Variants in SOX6 observed in about 807,000 individuals in gnomAD.
SOX6 encodes SRY-box transcription factor 6, also known as transcription factor SOX-6.
A neutral mutation model predicts 97.8 loss-of-function variants in SOX6; 11 were observed. The observed-to-expected ratio is 0.11, with a 90% confidence interval of 0.07 to 0.19. The LOEUF is 0.19. Among genes scored for constraint, SOX6 ranks in the 10% least tolerant of loss-of-function variants. SOX6 has a pLI of 1.00. For synonymous variants in SOX6, 360 were observed against 371.4 expected, an observed-to-expected ratio of 0.97 and a Z score of 0.35; for missense variants, 810 against 1,039.5, an observed-to-expected ratio of 0.78 and a Z score of 3.04.
Position 16,465,834 on chromosome 11 carries a change from G to A in SOX6, c.-5+10481C>T, listed in dbSNP as rs1015031415. ...TGTGTGAGCTGAAAAGAAAGAGAAA[G>A]AGCTAACTCCAGTACAGTTTGTATC... On this transcript the variant is annotated intron_variant, in intron 1 of 15. Coordinates refer to the SOX6 transcript ENST00000396356. The A allele has an allele frequency of 2.0e-5, 3 of 152,108 alleles. No homozygotes were observed. In the East Asian group the frequency reaches 5.8e-4, roughly 29 times the overall value. 9.4% of individuals were successfully genotyped at this position (152,108 alleles called of 1,614,324 possible).
intron 9 of SOX6, among the ~76,000 whole-genome samples, chr11:16,068,797 T>A (rs1032028165): frequency 6.6e-6 from 1 of 152,236 alleles, no homozygotes; most frequent in Non-Finnish European, 1.5e-5. Context: ...GACTACTGCC[T>A]CCTTTGTGCT....
intron 15 of SOX6, among the ~76,000 whole-genome samples, chr11:15,977,942 C>T (rs899374281): frequency 1.2e-4 from 18 of 152,094 alleles, no homozygotes; most frequent in Admixed American, 5.9e-4. Context: ...CCCACTGTCA[C>T]GTTGACTGGC....
chr11:16,487,590 C>A (rs1160031315), intron 4 of SOX6, among the ~76,000 whole-genome samples: 2 of 152,164 alleles, frequency 1.3e-5, no homozygotes, highest in African/African-American at 2.4e-5. Context: ...AAAAAGCAAT[C>A]ATTTAACAAA....
intron 1 of SOX6, among the ~76,000 whole-genome samples, chr11:16,440,383 C>A (rs561774809): frequency 6.6e-6 from 1 of 152,110 alleles, no homozygotes; most frequent in Non-Finnish European, 1.5e-5. Flanking sequence ...TAATTTCTAG[C>A]GCAGCCCACA....
chr11:16,544,970 T>C (rs1274283112), intron 4 of SOX6, among the ~76,000 whole-genome samples: 1 of 152,102 alleles, frequency 6.6e-6, no homozygotes, highest in African/African-American at 2.4e-5. Context: ...ACATCTTTAA[T>C]CTCAGCCTTT....
At chr11:16,286,743 T>C (rs549491253) in intron 3 of SOX6, among the ~76,000 whole-genome samples, 9 of 152,274 alleles carry the variant, frequency 5.9e-5, no homozygotes, top group African/African-American at 2.2e-4. Flanking sequence ...ATGTTTCATA[T>C]AAGGAATATA....
At chr11:16,516,225 G>C (rs1860968846) in intron 4 of SOX6, among the ~76,000 whole-genome samples, 1 of 151,378 alleles carries the variant, frequency 6.6e-6, no homozygotes, top group Admixed American at 6.6e-5. Context: ...TTATTTCATT[G>C]AGCAGTGGTT....
chr11:16,415,453 A>G (rs1020293915), intron 1 of SOX6, among the ~76,000 whole-genome samples: 1 of 152,122 alleles, frequency 6.6e-6, no homozygotes, highest in African/African-American at 2.4e-5. Context: ...AGATAGGAGG[A>G]ATTTCTATAG....
intron 4 of SOX6, among the ~76,000 whole-genome samples, chr11:16,222,293 G>A (rs973230985): frequency 1.3e-5 from 2 of 152,044 alleles, no homozygotes; most frequent in African/African-American, 4.8e-5. Flanking sequence ...GCTCACTGTA[G>A]CCCTGAACCC....
At chr11:16,628,541 T>G (rs916197636) in intron 3 of SOX6, among the ~76,000 whole-genome samples, 1 of 150,342 alleles carries the variant, frequency 6.7e-6, no homozygotes, top group African/African-American at 2.5e-5. Context: ...AAGAATCTCT[T>G]GAACCCAGGA....
At chr11:16,361,394 A>G (rs904268615), upstream of SOX6, among the ~76,000 whole-genome samples, 1 of 152,214 alleles carries the variant, frequency 6.6e-6, no homozygotes, top group African/African-American at 2.4e-5. Context: ...CTTCTGCTAT[A>G]AACACTGGAA....
chr11:16,125,626 G>A (rs1849589349), intron 6 of SOX6, among the ~76,000 whole-genome samples: 1 of 151,990 alleles, frequency 6.6e-6, no homozygotes, highest in Non-Finnish European at 1.5e-5. Context: ...CAATAACATT[G>A]TTTAGGACTA....
chr11:16,636,850 C>T (rs1848797595), intron 3 of SOX6, among the ~76,000 whole-genome samples: 1 of 152,154 alleles, frequency 6.6e-6, no homozygotes, highest in Admixed American at 6.5e-5. Context: ...TGAAGAAGGA[C>T]ATGTTTGCTT....
chr11:16,277,530 T>C (rs10832582), intron 3 of SOX6, among the ~76,000 whole-genome samples: 1 of 152,104 alleles, frequency 6.6e-6, no homozygotes, highest in African/African-American at 2.4e-5. Context: ...GATCAGCTCC[T>C]GTTACAAAGA....
intron 1 of SOX6, among the ~76,000 whole-genome samples, chr11:16,459,717 A>G (rs547068904): frequency 1.3e-5 from 2 of 152,202 alleles, no homozygotes; most frequent in African/African-American, 4.8e-5. Flanking sequence ...CAGATTAGAC[A>G]CTGCGGGACA....
intron 13 of SOX6, among the ~76,000 whole-genome samples, chr11:16,014,586 C>G (rs774403266): frequency 1.3e-5 from 2 of 151,968 alleles, no homozygotes; most frequent in Non-Finnish European, 2.9e-5. Context: ...TTTAAAAGTC[C>G]TCCTTTCTAA....
rs530504865 is a variant in SOX6 at position 16,072,452 on chromosome 11, G to T, written c.1102-16551C>A. Among the ~76,000 whole-genome samples, 212 of 152,246 alleles carry T rather than the reference G, an allele frequency of 1.4e-3. 1 individual carries two copies. The highest frequency in any genetic ancestry group is 4.8e-3 in the African/African-American group (198 of 41,544). On this transcript the variant is annotated intron_variant, in intron 9 of 15. Transcript: ENST00000683767. ...TCCAAGAAATATGGGATTATGTAAA[G>T]AGACCAAATCTATGACTCTTTGATG...
At chr11:16,166,869 T>C (rs1589990182) in intron 6 of SOX6, among the ~76,000 whole-genome samples, 1 of 152,070 alleles carries the variant, frequency 6.6e-6, no homozygotes, top group African/African-American at 2.4e-5. Flanking sequence ...GTTCTGAAAA[T>C]TATACACAGA....
intron 6 of SOX6, among the ~76,000 whole-genome samples, chr11:16,145,369 T>G (rs1850263727): frequency 6.6e-6 from 1 of 152,018 alleles, no homozygotes; most frequent in African/African-American, 2.4e-5. Context: ...TAAGAGCTAT[T>G]TATGACAAAC....
Sources: gnomAD v4.1 joint callset for allele counts (sites outside exome capture counted in the v4.1 genomes callset) on GRCh38, gnomAD v4.1.1 for gene constraint, MANE v1.5 for transcripts, NCBI Gene and HGNC (gene_info 2026-07-23, HGNC 2026-07-21) for gene names.